The following SPINK6 variants were observed in gnomAD, a reference collection of about 807,000 sequenced individuals.
SPINK6 encodes the protein serine protease inhibitor Kazal-type 6.
A neutral mutation model predicts 11.7 loss-of-function variants in SPINK6; 13 were observed. The ratio of observed to expected loss-of-function variants is 1.11; its 90% CI spans 0.72 to 1.76. The LOEUF (loss-of-function observed/expected upper bound fraction) is 1.76. Among genes scored for constraint, SPINK6 ranks in the 40% most tolerant of loss-of-function variants. The probability of loss-of-function intolerance (pLI) is 0.00; values close to 1 mark genes in which losing one functional copy is unlikely to be tolerated. For synonymous variants in SPINK6, 21 were observed against 31.9 expected (o/e 0.66, Z 1.15); for missense variants, 98 against 93.7 (o/e 1.05, Z -0.19).
intron 2 of SPINK6, among the ~76,000 whole-genome samples, chr5:148,212,582 T>G (rs1755618081): frequency 9.7e-6 from 1 of 103,144 alleles, no homozygotes; most frequent in South Asian, 2.4e-4. Context: ...ATATATTATA[T>G]AAATATATTT....
At chr5:148,209,991 T>TGTATGTATAC (rs1561732156) in intron 2 of SPINK6, among the ~76,000 whole-genome samples, 2 of 145,510 alleles carry the variant, frequency 1.4e-5, no homozygotes, top group Admixed American at 6.8e-5. Context: ...TATGTATACA[T>TGTATGTATAC]ATACACGTAT....
At chr5:148,207,576 A>T (rs1366413397) in intron 2 of SPINK6, among the ~76,000 whole-genome samples, 1 of 152,158 alleles carries the variant, frequency 6.6e-6, no homozygotes, top group Non-Finnish European at 1.5e-5. Context: ...CATGCCTGTA[A>T]TCCCAGCACT....
rs564969112 is a variant in SPINK6, at chr5:148,213,020, GTATA to G, written c.82-883_82-880del. Among the ~76,000 whole-genome samples, 265 of 149,454 alleles carry G rather than the reference GTATA, an allele frequency of 1.8e-3. 2 individuals carry two copies. The highest frequency in any genetic ancestry group is 6.1e-3 in the African/African-American group (250 of 40,848). On this transcript the variant is annotated intron_variant, in intron 2 of 3. Transcript: ENST00000325630. Reference sequence around the variant, plus strand: ...AGTATCTATATACTTTAGAGATAGAGTATATATATACTTGATATACTTTATATAT... The same window carrying G: ...AGTATCTATATACTTTAGAGATAGAGTATATACTTGATATACTTTATATAT...
In SPINK6 at chr5:148,209,954, ATATGTATACATACATACGTACGTATG is replaced by A. The variant is rs1554112229; in HGVS notation, c.81+3909_82-3918del. Among the ~76,000 whole-genome samples the A allele has an allele frequency of 6.2e-3, 79 of 12,810 alleles. 3 individuals carry two copies. The Middle Eastern group carries it at 0.67, about 108-fold the overall frequency. The allele number at this position is 12,810 out of a possible 152,430, so 8.4% of individuals were successfully genotyped here. On this transcript the variant is annotated intron_variant, in intron 2 of 3. Coordinates refer to ENST00000325630, the MANE Select transcript of SPINK6 (RefSeq NM_205841.4). The stretch of plus-strand genomic sequence containing the variant: ...TGAAATTGAGTAAAAGGTTTCATAT[ATATGTATACATACATACGTACGTATG>A]TATGTATACATATACACGTATGTAT...
At chr5:148,212,342 G>A (rs1755608843) in intron 2 of SPINK6, among the ~76,000 whole-genome samples, 1 of 150,264 alleles carries the variant, frequency 6.7e-6, no homozygotes, top group African/African-American at 2.5e-5. Context: ...TCTGAAACAG[G>A]GTAAGGTAAT....
intron 2 of SPINK6, among the ~76,000 whole-genome samples, chr5:148,212,534 A>ATATATATAAAGTATATATTT (rs1755614330): frequency 8.6e-6 from 1 of 116,218 alleles, no homozygotes; most frequent in Non-Finnish European, 1.6e-5. Context: ...TATATATTTT[A>ATATATATAAAGTATATATTT]TATAAGTATA....
intron 1 of SPINK6, among the ~76,000 whole-genome samples, chr5:148,205,251 C>T (rs1755482543): frequency 6.6e-6 from 1 of 152,116 alleles, no homozygotes; most frequent in Non-Finnish European, 1.5e-5. Flanking sequence ...GCTTATGTGT[C>T]AGAGGGATTG....
At chr5:148,214,462 G>A (rs966151527) in intron 3 of SPINK6, among the ~76,000 whole-genome samples, 8 of 152,202 alleles carry the variant, frequency 5.3e-5, no homozygotes, top group African/African-American at 1.9e-4. Flanking sequence ...AGTCAGTGGT[G>A]TAATATGAGA....
At chr5:148,207,559 G>A (rs114978036) in intron 2 of SPINK6, among the ~76,000 whole-genome samples, 1,972 of 152,218 alleles carry the variant, frequency 0.013, 48 homozygotes, top group African/African-American at 0.045. Context: ...GGCCGGGCAC[G>A]GTGCCTCATG....
intron 2 of SPINK6, among the ~76,000 whole-genome samples, chr5:148,212,563 ATATAT>A (rs1755616506): frequency 4.5e-5 from 3 of 67,284 alleles, no homozygotes; most frequent in Admixed American, 2.4e-4. Context: ...TATTTATATA[ATATAT>A]ATTATATATT....
chr5:148,204,797 T>C (rs1755476745), intron 1 of SPINK6, among the ~76,000 whole-genome samples: 1 of 152,162 alleles, frequency 6.6e-6, no homozygotes, highest in African/African-American at 2.4e-5. Flanking sequence ...ATATTAATCC[T>C]GTTTTTGCCT....
intron 3 of SPINK6, among the ~76,000 whole-genome samples, chr5:148,214,302 T>G (rs1755654210): frequency 6.6e-6 from 1 of 152,192 alleles, no homozygotes; most frequent in Non-Finnish European, 1.5e-5. Context: ...ATCTTATACA[T>G]TATAACTTAT....
upstream of SPINK6, chr5:148,202,828 G>GTA: frequency 2.8e-6 from 1 of 355,536 alleles, no homozygotes. Context: ...CCGGGAGGAT[G>GTA]TATTGGTTGT....
chr5:148,210,144 A>G (rs1301840057), intron 2 of SPINK6, among the ~76,000 whole-genome samples: 1 of 136,856 alleles, frequency 7.3e-6, no homozygotes, highest in African/African-American at 2.7e-5. Flanking sequence ...CTGCATACAT[A>G]TGTATGTATT....
At chr5:148,210,486 A>G (rs182332032) in intron 2 of SPINK6, among the ~76,000 whole-genome samples, 2 of 151,484 alleles carry the variant, frequency 1.3e-5, no homozygotes, top group African/African-American at 4.9e-5. Context: ...TTCTGCATAC[A>G]TATATATGTA....
intron 1 of SPINK6, among the ~76,000 whole-genome samples, chr5:148,205,722 T>C (rs1200300178): frequency 6.6e-6 from 1 of 152,176 alleles, no homozygotes; most frequent in Non-Finnish European, 1.5e-5. Flanking sequence ...GTCATTTTCG[T>C]AGTAAATTAG....
upstream of SPINK6, chr5:148,202,823 A>G (rs1351840651): frequency 2.9e-6 from 1 of 340,106 alleles, no homozygotes; most frequent in Non-Finnish European, 5.3e-6. Context: ...AAGAGCCGGG[A>G]GGATGTATTG....
chr5:148,205,005 T>C (rs900577029), intron 1 of SPINK6, among the ~76,000 whole-genome samples: 1 of 152,188 alleles, frequency 6.6e-6, no homozygotes, highest in African/African-American at 2.4e-5. Context: ...CCCTAAGAAT[T>C]TGTCATTTTA....
chr5:148,207,446 G>A (rs752480261), intron 2 of SPINK6, among the ~76,000 whole-genome samples: 5 of 152,068 alleles, frequency 3.3e-5, no homozygotes, highest in South Asian at 2.1e-4. Flanking sequence ...GGGTCCCTGC[G>A]TAGTACTTGG....
Sources: gnomAD v4.1 joint callset for allele counts (sites outside exome capture counted in the v4.1 genomes callset) on GRCh38, gnomAD v4.1.1 for gene constraint, MANE v1.5 for transcripts, NCBI Gene and HGNC (gene_info 2026-07-23, HGNC 2026-07-21) for gene names.